The following ACSM3 variants were observed in gnomAD, a reference collection of about 807,000 sequenced individuals.
ACSM3 encodes acyl-coenzyme A synthetase ACSM3, mitochondrial.
Under a neutral mutation model 74.1 loss-of-function variants are expected in ACSM3, and 61 were observed. The ratio of observed to expected loss-of-function variants is 0.82; its 90% confidence interval spans 0.67 to 1.02. The LOEUF (loss-of-function observed/expected upper bound fraction) is 1.02. Ranked by LOEUF, ACSM3 falls within the 50% of genes least tolerant of loss-of-function variation. The pLI is 0.00. For synonymous variants in ACSM3, 213 were observed against 241.5 expected (o/e 0.88, Z 1.09); for missense variants, 660 against 697.0 (o/e 0.95, Z 0.60).
chr16:20,696,639 C>T (rs1027736970), intron 1 of ACSM3, among the ~76,000 whole-genome samples: 2 of 152,206 alleles, frequency 1.3e-5, no homozygotes, highest in Admixed American at 6.5e-5. Context: ...CCTATGAAAT[C>T]ATTTTAAAGA....
intron 1 of ACSM3, among the ~76,000 whole-genome samples, chr16:20,746,426 A>G (rs539770275): frequency 6.6e-6 from 1 of 152,340 alleles, no homozygotes; most frequent in Non-Finnish European, 1.5e-5. Context: ...GGAGACTAAA[A>G]GGGGTTTTAT....
chr16:20,705,036 C>T (rs2883895), intron 1 of ACSM3, among the ~76,000 whole-genome samples: 13 of 152,142 alleles, frequency 8.5e-5, no homozygotes, highest in Non-Finnish European at 1.8e-4. Context: ...ATAGGATCAA[C>T]CTTTTGATAG....
In ACSM3 at chr16:20,736,682, T is replaced by C. The variant is rs2152416348; in HGVS notation, c.-189-13228T>C. 3 of 591,620 alleles carry C rather than the reference T, an allele frequency of 5.1e-6. No homozygotes were observed. The South Asian group carries it at 6.9e-5, about 14-fold the overall frequency. The allele number at this position is 591,620 out of a possible 1,614,324, so 36.6% of individuals were successfully genotyped here. The stretch of plus-strand genomic sequence containing the variant: ...TGCAACAGCAGCACATGGGTCTGCC[T>C]CTACGTAATACCATAAAGGCTGAAA... On this transcript the variant is annotated intron_variant, in intron 1 of 3. Transcript: ENST00000561584.
intron 1 of ACSM3, among the ~76,000 whole-genome samples, chr16:20,723,130 G>A (rs1321852142): frequency 1.3e-5 from 2 of 152,138 alleles, no homozygotes; most frequent in South Asian, 2.1e-4. Flanking sequence ...AAGAACATGC[G>A]GTGTTTGGTT....
intron 1 of ACSM3, chr16:20,738,911 CTGA>C: frequency 1.4e-5 from 22 of 1,614,166 alleles, no homozygotes; most frequent in Non-Finnish European, 1.9e-5. Context: ...CCCAAGTGTC[CTGA>C]TGAAGACAAC....
chr16:20,683,678 C>T (rs866173025), intron 1 of ACSM3, among the ~76,000 whole-genome samples: 5 of 146,104 alleles, frequency 3.4e-5, no homozygotes, highest in South Asian at 2.2e-4. Context: ...CTTGCCACCA[C>T]GCCTGGCTAA....
chr16:20,754,208 T>C (rs1004015622), intron 2 of ACSM3, among the ~76,000 whole-genome samples: 1 of 152,196 alleles, frequency 6.6e-6, no homozygotes, highest in African/African-American at 2.4e-5. Flanking sequence ...GGAGAGGTAC[T>C]AGTTTAGAGA....
At chr16:20,749,647 G>C (rs1163158873) in intron 1 of ACSM3, 2 of 152,414 alleles carry the variant, frequency 1.3e-5, no homozygotes, top group Admixed American at 1.3e-4. Flanking sequence ...AGCAGGGGTG[G>C]AGGACAGCAG....
At chr16:20,747,977 C>A (rs1004853726) in intron 1 of ACSM3, among the ~76,000 whole-genome samples, 10 of 152,088 alleles carry the variant, frequency 6.6e-5, no homozygotes, top group Admixed American at 6.5e-4. Flanking sequence ...CCCATCTTTA[C>A]AAAAACTACA....
chr16:20,774,881 T>C (rs1445569910), intron 2 of ACSM3, among the ~76,000 whole-genome samples: 1 of 152,130 alleles, frequency 6.6e-6, no homozygotes, highest in African/African-American at 2.4e-5. Flanking sequence ...GGGCCAGTCC[T>C]TGGGTCCGCA....
chr16:20,797,272 G>T lies in ACSM3; in HGVS notation c.*300G>T. On this transcript the variant is annotated 3_prime_UTR_variant, in exon 14 of 14. Transcript: ENST00000289416. ...TTCTGAACCAGATCTCTGCTACATA[G>T]GTTTTCAAACTTTAGTTGACTAATT... The T allele has an allele frequency of 9.5e-7, 1 of 1,057,018 alleles. No individual in the cohort carries two copies. Among genetic ancestry groups the T allele is most frequent in the Non-Finnish European group, 1.1e-6 (1 of 879,554 alleles). 65.5% of individuals were successfully genotyped at this position (1,057,018 alleles called of 1,614,324 possible). A position where few individuals can be genotyped will look rare whatever the true frequency, so the allele number is the denominator to read the frequency against.
At chr16:20,684,411 G>A (rs1247440220) in intron 1 of ACSM3, among the ~76,000 whole-genome samples, 1 of 152,144 alleles carries the variant, frequency 6.6e-6, no homozygotes, top group Non-Finnish European at 1.5e-5. Flanking sequence ...CCTTGCTTAA[G>A]TGATAAAACA....
chr16:20,718,311 T>C (rs1389345648), intron 1 of ACSM3: 1 of 626,110 alleles, frequency 1.6e-6, no homozygotes, highest in African/African-American at 1.9e-5. Context: ...AAACTGGCCA[T>C]CTTACACCAC....
intron 1 of ACSM3, chr16:20,733,133 AG>A (rs146911486): frequency 0.083 from 12,706 of 152,264 alleles, 575 homozygotes; most frequent in East Asian, 0.13. Context: ...AAAATTAAAA[AG>A]TAAATAAAAG....
intron 1 of ACSM3, among the ~76,000 whole-genome samples, chr16:20,692,017 T>G (rs1001922637): frequency 6.6e-6 from 1 of 152,178 alleles, no homozygotes; most frequent in South Asian, 2.1e-4. Context: ...TGTCTGCCCC[T>G]GTCTTGTTAA....
intron 12 of ACSM3, among the ~76,000 whole-genome samples, chr16:20,795,760 G>T (rs1246801175): frequency 6.6e-6 from 1 of 152,204 alleles, no homozygotes; most frequent in Non-Finnish European, 1.5e-5. Context: ...TCCTGGTAGT[G>T]CCCTAGGAGA....
intron 1 of ACSM3, among the ~76,000 whole-genome samples, chr16:20,743,485 A>C (rs1408285718): frequency 6.6e-6 from 1 of 152,180 alleles, no homozygotes; most frequent in Non-Finnish European, 1.5e-5. Flanking sequence ...AATGTGTTTA[A>C]AAAACAAGTG....
Position 20,792,284 on chromosome 16 carries a change from T to G in ACSM3, c.1503T>G (p.Pro501=), listed in dbSNP as rs1308569555. 1 of 1,614,110 alleles carries G rather than the reference T, an allele frequency of 6.2e-7. No individual in the cohort carries two copies. Among genetic ancestry groups the G allele is most frequent in the Admixed American group, 1.7e-5 (1 of 60,018 alleles). ...TAGAAAATGCCCTGAATGAACACCC[T>G]TCAGTTGCAGAGTCAGCTGTTGTCA... is the stretch of plus-strand genomic sequence containing the variant. ...FEVENALNEH[P]SVAESAVVSS... Residue 501 remains proline, a synonymous_variant, in exon 12 of 14, where the codon CCT becomes CCG. Transcript: ENST00000289416.
chr16:20,776,190 C>A (rs180032), intron 3 of ACSM3, 141 bp downstream of exon 3: 64,435 of 863,952 alleles, frequency 0.075, 2,844 homozygotes, highest in East Asian at 0.16. Context: ...AAAGTTAGGC[C>A]GTGGTAGGCT....
Sources: gnomAD v4.1 joint callset for allele counts (sites outside exome capture counted in the v4.1 genomes callset) on GRCh38, gnomAD v4.1.1 for gene constraint, MANE v1.5 for transcripts, NCBI Gene and HGNC (gene_info 2026-07-23, HGNC 2026-07-21) for gene names.